Variants in ZNF571 observed in about 807,000 individuals in gnomAD.
ZNF571 encodes the protein zinc finger protein 571.
A neutral mutation model predicts 7.7 loss-of-function variants in ZNF571; 4 were observed. The ratio of observed to expected loss-of-function variants is 0.52; its 90% CI spans 0.25 to 1.18. The LOEUF is 1.18. Among genes scored for constraint, ZNF571 ranks in the 50% most tolerant of loss-of-function variants. ZNF571 has a pLI of 0.14. For missense variants in ZNF571, 704 were observed against 726.9 expected (o/e 0.97, Z 0.36); for synonymous variants, 251 against 232.4 (o/e 1.08, Z -0.73).
intron 3 of ZNF571, among the ~76,000 whole-genome samples, chr19:37,573,923 C>CA (rs1211482945): frequency 6.6e-6 from 1 of 152,096 alleles, no homozygotes; most frequent in African/African-American, 2.4e-5. Context: ...TGTGCCCTAA[C>CA]ACAAAATAAC....
intron 1 of ZNF571, among the ~76,000 whole-genome samples, chr19:37,589,859 CA>C (rs2043812860): frequency 3.4e-5 from 1 of 29,350 alleles, no homozygotes; most frequent in Admixed American, 5.1e-4. Context: ...AGCAAGACTC[CA>C]TCTCAAAAAA....
chr19:37,566,268 T>C lies in ZNF571; in HGVS notation c.160A>G (p.Lys54Glu), dbSNP rs1394241604. 3 of 1,612,458 alleles carry C rather than the reference T, an allele frequency of 1.9e-6. No individual in the cohort carries two copies. The highest frequency in any genetic ancestry group is 1.7e-4 in the Middle Eastern group (1 of 6,056). Residue 54 changes from lysine (K) to glutamate (E), a missense_variant, in exon 4 of 4, where the codon AAA (lysine) becomes GAA (glutamate). Lys to Glu is a moderately conservative substitution (Grantham distance 56, BLOSUM62 1). Transcript: ENST00000451802. ...SLDLESSCVTKKLSPEKEIYE... is the reference protein window; with the variant it reads ...SLDLESSCVTEKLSPEKEIYE... The stretch of plus-strand genomic sequence containing the variant: ...ATTTCCTTTTCTGGAGATAACTTTT[T>C]GGTCACACAACTGGATTCCAAGTCT...
chr19:37,565,700 C>G lies in ZNF571; in HGVS notation c.728G>C (p.Arg243Thr). Residue 243 changes from arginine to threonine, a missense_variant, in exon 4 of 4, where the codon AGA (arginine) becomes ACA (threonine). By Grantham distance (71) the Arg-to-Thr change is moderately conservative. Coordinates refer to ENST00000451802, the MANE Select transcript of ZNF571 (RefSeq NM_016536.5). ...ATATGGTTTCTCTCCTGTATGAACT[C>G]TCTGATGTTCAGTGAGCTGTGAACC... ...IRGSQLTEHQ[R>T]VHTGEKPYEC... 1 of 1,613,880 alleles carries G rather than the reference C, an allele frequency of 6.2e-7. No individual in the cohort carries two copies. Among genetic ancestry groups the G allele is most frequent in the Non-Finnish European group, 8.5e-7 (1 of 1,179,902 alleles).
intron 3 of ZNF571, among the ~76,000 whole-genome samples, chr19:37,579,646 C>T (rs1034657771): frequency 3.3e-5 from 5 of 152,164 alleles, no homozygotes; most frequent in East Asian, 1.9e-4. Flanking sequence ...TTTCTCATTA[C>T]ATTTTGCAGG....
chr19:37,575,462 G>A (rs973187461), intron 3 of ZNF571: 1 of 152,116 alleles, frequency 6.6e-6, no homozygotes. Flanking sequence ...ATTATTCACA[G>A]TACATTCAGT....
intron 3 of ZNF571, among the ~76,000 whole-genome samples, chr19:37,577,725 A>G (rs1039344203): frequency 6.6e-6 from 1 of 152,190 alleles, no homozygotes; most frequent in Admixed American, 6.5e-5. Flanking sequence ...CTTTAAATTT[A>G]CTCAAATTTT....
intron 3 of ZNF571, among the ~76,000 whole-genome samples, chr19:37,576,033 A>C (rs2043231055): frequency 6.6e-6 from 1 of 150,910 alleles, no homozygotes; most frequent in South Asian, 2.1e-4. Flanking sequence ...CAGGTAAGGC[A>C]TACATGCATA....
chr19:37,566,384 T>C, intron 3 of ZNF571, 93 bp from the exon 4 acceptor site: 1 of 1,405,464 alleles, frequency 7.1e-7, no homozygotes, highest in Non-Finnish European at 9.6e-7. Context: ...TAATTCTCAT[T>C]AAGAATAGAA....
intron 3 of ZNF571, among the ~76,000 whole-genome samples, chr19:37,570,207 G>A (rs1049533444): frequency 6.6e-6 from 1 of 152,108 alleles, no homozygotes; most frequent in Admixed American, 6.5e-5. Flanking sequence ...CTGGGTCCTT[G>A]GTCATCACTA....
chr19:37,580,754 C>T (rs1751477807), intron 3 of ZNF571, among the ~76,000 whole-genome samples: 1 of 152,180 alleles, frequency 6.6e-6, no homozygotes, highest in Non-Finnish European at 1.5e-5. Context: ...CACACTGGCT[C>T]CCCTTCACCT....
intron 3 of ZNF571, among the ~76,000 whole-genome samples, chr19:37,573,888 T>G (rs189574460): frequency 6.1e-4 from 92 of 151,974 alleles, no homozygotes; most frequent in African/African-American, 2.2e-3. Context: ...GCTTAGCTGC[T>G]ATTACTACTT....
chr19:37,566,349 C>T (rs118051536), intron 3 of ZNF571, 58 bp from the exon 4 acceptor site: 1 of 1,520,620 alleles, frequency 6.6e-7, no homozygotes, highest in South Asian at 1.3e-5. Context: ...AATAAAAATT[C>T]TATGGTAAAA....
At chr19:37,584,375 C>G (rs1226779805) in intron 2 of ZNF571, among the ~76,000 whole-genome samples, 2 of 152,166 alleles carry the variant, frequency 1.3e-5, no homozygotes, top group Non-Finnish European at 2.9e-5. Context: ...CAAGCGTTTT[C>G]TTCACAACAG....
chr19:37,568,496 CAAAT>C (rs150165965), intron 3 of ZNF571, among the ~76,000 whole-genome samples: 3,306 of 152,162 alleles, frequency 0.022, 129 homozygotes, highest in African/African-American at 0.075. Context: ...TATAAGGAAT[CAAAT>C]AAATTCAGTT....
At chr19:37,571,767 T>C (rs984346165) in intron 3 of ZNF571, among the ~76,000 whole-genome samples, 1 of 152,168 alleles carries the variant, frequency 6.6e-6, no homozygotes, top group African/African-American at 2.4e-5. Context: ...ATTACTTCCT[T>C]TAACAGAAAC....
intron 2 of ZNF571, among the ~76,000 whole-genome samples, chr19:37,584,601 A>G (rs1373078587): frequency 6.6e-6 from 1 of 152,188 alleles, no homozygotes; most frequent in African/African-American, 2.4e-5. Context: ...ATATTATGTC[A>G]CAGAACAGAA....
chr19:37,581,151 T>G (rs73932916), intron 3 of ZNF571, among the ~76,000 whole-genome samples: 53 of 152,300 alleles, frequency 3.5e-4, no homozygotes, highest in African/African-American at 1.3e-3. Flanking sequence ...AAGCTAAAAT[T>G]TATTCACATC....
At chr19:37,572,284 G>A (rs1049113113) in intron 3 of ZNF571, among the ~76,000 whole-genome samples, 1 of 152,130 alleles carries the variant, frequency 6.6e-6, no homozygotes, top group African/African-American at 2.4e-5. Flanking sequence ...ACTTTGTGTG[G>A]TTTCAGTTAC....
chr19:37,575,690 GGCTAACCA>G (rs1411476600), intron 3 of ZNF571: 1 of 152,146 alleles, frequency 6.6e-6, no homozygotes, highest in Non-Finnish European at 1.5e-5. Context: ...GTGGACTAAT[GGCTAACCA>G]GTCCATGATC....
Sources: allele counts gnomAD v4.1 joint callset (sites outside exome capture counted in the v4.1 genomes callset), GRCh38; gene constraint gnomAD v4.1.1; transcripts MANE v1.5; gene names NCBI Gene and HGNC (gene_info 2026-07-23, HGNC 2026-07-21).